PPP2R5C: variants seen among roughly 807,000 people sequenced by gnomAD.
PPP2R5C encodes serine/threonine-protein phosphatase 2A 56 kDa regulatory subunit gamma isoform.
In PPP2R5C, 7 loss-of-function variants were observed where a neutral mutation model predicts 68.9. That is an observed-to-expected ratio of 0.10 (90% confidence interval 0.06 to 0.19). The LOEUF is 0.19. PPP2R5C is among the 10% of genes least tolerant of loss of function. The pLI is 1.00. For missense variants in PPP2R5C, 348 were observed against 641.3 expected (o/e 0.54, Z 4.94); for synonymous variants, 210 against 222.2 (o/e 0.95, Z 0.49).
At chr14:101,865,060 A>G (rs1712496378) in intron 2 of PPP2R5C, among the ~76,000 whole-genome samples, 1 of 152,166 alleles carries the variant, frequency 6.6e-6, no homozygotes, top group Non-Finnish European at 1.5e-5. Context: ...ATTCCTGGGG[A>G]GAGGAACCAA....
chr14:101,763,270 A>G (rs1374878445), intron 2 of PPP2R5C, among the ~76,000 whole-genome samples: 1 of 151,690 alleles, frequency 6.6e-6, no homozygotes, highest in African/African-American at 2.4e-5. Context: ...CGCAGGCTGG[A>G]GTGCAGTGGC....
At chr14:101,770,317 T>C (rs1410192597) in intron 2 of PPP2R5C, among the ~76,000 whole-genome samples, 2 of 152,156 alleles carry the variant, frequency 1.3e-5, no homozygotes, top group African/African-American at 4.8e-5. Flanking sequence ...GTGTTGAGGA[T>C]TGAGGAGATA....
intron 1 of PPP2R5C, chr14:101,823,609 A>G (rs2040220085): frequency 1.0e-5 from 3 of 298,370 alleles, no homozygotes; most frequent in African/African-American, 4.5e-5. Flanking sequence ...CCTGTGAGAG[A>G]GTAAACAAGT....
At chr14:101,761,656 G>T, upstream of PPP2R5C, 1 of 169,670 alleles carries the variant, frequency 5.9e-6, no homozygotes, top group Non-Finnish European at 1.1e-5. Flanking sequence ...GGGGCGGGCC[G>T]GCCGGGGGAG....
rs568423044 is a variant in PPP2R5C, at chr14:101,859,491, C to T, written c.294+2606C>T. ...TTTCTGCTCTAAGTTCAGAAGGCAA[C>T]ATAGCCTTTCCCTACCCCTTGTTTG... On this transcript the variant is annotated intron_variant, in intron 2 of 13. Coordinates refer to ENST00000334743, the Ensembl canonical transcript of PPP2R5C. Among the ~76,000 whole-genome samples the T allele has an allele frequency of 1.1e-3, 169 of 152,254 alleles. 1 individual carries two copies. The highest frequency in any genetic ancestry group is 3.8e-3 in the African/African-American group (158 of 41,526).
intron 1 of PPP2R5C, chr14:101,824,334 T>A: frequency 2.3e-6 from 1 of 433,912 alleles, no homozygotes. Flanking sequence ...AGTGTAGACA[T>A]TTGTCTACGG....
exon 9 of PPP2R5C, chr14:101,901,866 T>A: frequency 1.2e-6 from 2 of 1,614,228 alleles, no homozygotes; most frequent in Non-Finnish European, 1.7e-6. Flanking sequence ...GTTGGCCAAA[T>A]GTGTCTCCAG....
Position 101,920,941 on chromosome 14 carries a change from T to C in PPP2R5C, c.1443+2994T>C, listed in dbSNP as rs142133920. Among the ~76,000 whole-genome samples, 1,062 of 151,964 alleles carry C rather than the reference T, an allele frequency of 7.0e-3. 3 individuals carry two copies. The highest frequency in any genetic ancestry group is 0.015 in the Admixed American group (224 of 15,232). ...GACCTGTGCCTGGCCTGACTCCTTG[T>C]AGATTTCTGTGGATCAGTTGAATCA... On this transcript the variant is annotated intron_variant, in intron 13 of 13. Transcript: ENST00000334743.
At chr14:101,769,371 G>C (rs1280416051) in intron 2 of PPP2R5C, among the ~76,000 whole-genome samples, 1 of 152,170 alleles carries the variant, frequency 6.6e-6, no homozygotes, top group East Asian at 1.9e-4. Flanking sequence ...AGTCTTCTTT[G>C]ATCTTGCCAT....
At chr14:101,788,411 G>A (rs1225421206) in intron 3 of PPP2R5C, among the ~76,000 whole-genome samples, 3 of 152,124 alleles carry the variant, frequency 2.0e-5, no homozygotes, top group Non-Finnish European at 4.4e-5. Flanking sequence ...TATTCCATGC[G>A]CGGGGCAGAG....
At chr14:101,867,767 G>A (rs1198407879) in intron 2 of PPP2R5C, among the ~76,000 whole-genome samples, 1 of 152,036 alleles carries the variant, frequency 6.6e-6, no homozygotes, top group Non-Finnish European at 1.5e-5. Flanking sequence ...GACAGAGCAA[G>A]ATTCCATCAA....
intron 1 of PPP2R5C, among the ~76,000 whole-genome samples, chr14:101,839,945 T>C (rs2041360944): frequency 6.7e-6 from 1 of 148,636 alleles, no homozygotes; most frequent in South Asian, 2.1e-4. Flanking sequence ...CTGTGTTGTT[T>C]GGATTTTTTT....
chr14:101,763,076 G>T (rs1218609130), intron 2 of PPP2R5C, 106 bp downstream of exon 2: 3 of 999,362 alleles, frequency 3.0e-6, no homozygotes, highest in Non-Finnish European at 4.4e-6. Context: ...GTTTCCCTAT[G>T]TGAGGTTTTT....
chr14:101,832,942 G>T (rs1195693226), intron 1 of PPP2R5C, among the ~76,000 whole-genome samples: 6 of 152,190 alleles, frequency 3.9e-5, no homozygotes, highest in Non-Finnish European at 8.8e-5. Flanking sequence ...TGGAAAATGG[G>T]AGTGATAACA....
intron 3 of PPP2R5C, among the ~76,000 whole-genome samples, chr14:101,791,822 G>A (rs946613911): frequency 2.6e-5 from 4 of 152,084 alleles, no homozygotes; most frequent in South Asian, 2.1e-4. Context: ...TATAGCCTGC[G>A]TCAGGTCACA....
exon 14 of PPP2R5C, chr14:101,927,718 A>T (rs1430437654): frequency 2.0e-5 from 3 of 152,660 alleles, no homozygotes; most frequent in African/African-American, 7.2e-5. Context: ...TGTACAGAAT[A>T]AAAAAGTTCA....
At chr14:101,924,443 A>ATTTTTTTTTT in intron 13 of PPP2R5C, among the ~76,000 whole-genome samples, 1 of 56,856 alleles carries the variant, frequency 1.8e-5, no homozygotes, top group Non-Finnish European at 3.2e-5. Flanking sequence ...AAATTTCTAC[A>ATTTTTTTTTT]TCTTTTTTTT....
rs183564951 is a variant in PPP2R5C at position 101,812,675 on chromosome 14, A to G, written c.94+2639A>G. On this transcript the variant is annotated intron_variant, in intron 1 of 13. Transcript: ENST00000334743. ...ATTTGGCTCGGTAGCCTCTTTTTGTATAACAGTTTTGTACCTTGGGCTCAT... is the reference window on the plus strand; with the variant it reads ...ATTTGGCTCGGTAGCCTCTTTTTGTGTAACAGTTTTGTACCTTGGGCTCAT... Among the ~76,000 whole-genome samples the G allele has an allele frequency of 1.2e-3, 189 of 152,288 alleles. 1 individual carries two copies. Among genetic ancestry groups the G allele is most frequent in the Non-Finnish European group, 2.1e-3 (144 of 68,024 alleles).
intron 3 of PPP2R5C, among the ~76,000 whole-genome samples, chr14:101,801,058 C>T (rs1173525339): frequency 1.3e-5 from 2 of 152,042 alleles, no homozygotes; most frequent in East Asian, 1.9e-4. Flanking sequence ...TGGTGGTTAC[C>T]AGAGGCTGGG....
Sources: gnomAD v4.1 joint callset for allele counts (sites outside exome capture counted in the v4.1 genomes callset) on GRCh38, gnomAD v4.1.1 for gene constraint, MANE v1.5 for transcripts, NCBI Gene and HGNC (gene_info 2026-07-23, HGNC 2026-07-21) for gene names.